ANKRD12: variants seen among roughly 807,000 people sequenced by gnomAD.
ANKRD12 encodes ankyrin repeat domain 12.
ANKRD12 carries 85 observed loss-of-function variants against 183.4 expected under a neutral mutation model. That is an observed-to-expected ratio of 0.46 (90% confidence interval 0.39 to 0.56). The LOEUF is 0.56. Ranked by LOEUF, ANKRD12 falls within the 20% of genes least tolerant of loss-of-function variation. ANKRD12 has a pLI of 0.00. For missense variants in ANKRD12, 2,405 were observed against 2,357.1 expected (o/e 1.02, Z -0.42); for synonymous variants, 914 against 800.2 (o/e 1.14, Z -2.40).
At chr18:9,214,458 A>C (rs1414081423) in intron 6 of ANKRD12, among the ~76,000 whole-genome samples, 1 of 152,098 alleles carries the variant, frequency 6.6e-6, no homozygotes, top group Non-Finnish European at 1.5e-5. Flanking sequence ...ATCTGCTTAA[A>C]ACACCATGTG....
At chr18:9,145,281 C>T (rs1382905720) in intron 1 of ANKRD12, among the ~76,000 whole-genome samples, 5 of 152,142 alleles carry the variant, frequency 3.3e-5, no homozygotes. Flanking sequence ...TGCCACCATG[C>T]CAGACTCTGG....
intron 8 of ANKRD12, among the ~76,000 whole-genome samples, chr18:9,250,798 C>T (rs750418221): frequency 6.6e-6 from 1 of 152,122 alleles, no homozygotes; most frequent in Non-Finnish European, 1.5e-5. Flanking sequence ...TTTGAAATGG[C>T]TCTGAGATTT....
At chr18:9,247,283 AACCTGGGCAACAGCCAACCTCATCTCT>A (rs1351709143) in intron 8 of ANKRD12, among the ~76,000 whole-genome samples, 2 of 151,770 alleles carry the variant, frequency 1.3e-5, no homozygotes, top group East Asian at 3.9e-4. Flanking sequence ...GTTTGAGACT[AACCTGGGCAACAGCCAACCTCATCTCT>A]ACCAAAAAAA....
chr18:9,166,821 G>T (rs2032121808), intron 1 of ANKRD12, among the ~76,000 whole-genome samples: 1 of 152,160 alleles, frequency 6.6e-6, no homozygotes, highest in East Asian at 1.9e-4. Context: ...GTATTGCCTA[G>T]CTTTTCTTCT....
At chr18:9,230,001 C>T (rs2036949221) in intron 8 of ANKRD12, among the ~76,000 whole-genome samples, 1 of 151,980 alleles carries the variant, frequency 6.6e-6, no homozygotes, top group Non-Finnish European at 1.5e-5. Flanking sequence ...TAGGGAGAAT[C>T]CCCTCCTCTT....
chr18:9,265,713 C>T (rs1463926947), intron 10 of ANKRD12, among the ~76,000 whole-genome samples: 1 of 152,076 alleles, frequency 6.6e-6, no homozygotes, highest in Non-Finnish European at 1.5e-5. Flanking sequence ...AATCAGAGCG[C>T]CTCTCCTCCT....
chr18:9,224,404 GC>G (rs2144781423), intron 8 of ANKRD12, among the ~76,000 whole-genome samples: 1 of 152,102 alleles, frequency 6.6e-6, no homozygotes, highest in African/African-American at 2.4e-5. Flanking sequence ...AGAAACAGCT[GC>G]GGCTTTTTTT....
At chr18:9,251,420 G>A (rs764713281) in intron 8 of ANKRD12, among the ~76,000 whole-genome samples, 4 of 152,158 alleles carry the variant, frequency 2.6e-5, no homozygotes, top group South Asian at 2.1e-4. Flanking sequence ...ATCTGAAGTC[G>A]CCTTGAGATG....
Position 9,258,046 on chromosome 18 carries a change from A to G in ANKRD12, c.4779A>G (p.Gly1593=). The change falls in exon 9 of 13, where the codon GGA becomes GGG. Residue 1593 remains glycine (G), a synonymous_variant. Coordinates refer to ENST00000262126, the MANE Select transcript of ANKRD12 (RefSeq NM_015208.5). ...PVLPSEKDFN[G]SDASTQLNTH... Reference sequence around the variant, plus strand: ...TACCATCAGAAAAGGACTTTAATGGAAGTGATGCCTCTACCCAGCTAAATA... The same window carrying G: ...TACCATCAGAAAAGGACTTTAATGGGAGTGATGCCTCTACCCAGCTAAATA... 1.3e-5 allele frequency: 21 copies of G among 1,613,524 alleles called. No individual in the cohort carries two copies. Among genetic ancestry groups the G allele is most frequent in the Non-Finnish European group, 1.7e-5 (20 of 1,179,958 alleles).
chr18:9,163,448 C>A (rs965470963), intron 1 of ANKRD12, among the ~76,000 whole-genome samples: 33 of 151,238 alleles, frequency 2.2e-4, no homozygotes, highest in African/African-American at 8.0e-4. Context: ...TGCTGTAGCC[C>A]TGTAGTCTGG....
At chr18:9,263,354 C>T (rs2039093872) in intron 9 of ANKRD12, among the ~76,000 whole-genome samples, 1 of 152,088 alleles carries the variant, frequency 6.6e-6, no homozygotes, top group African/African-American at 2.4e-5. Context: ...ATGTAACACT[C>T]AGGACTTTAG....
intron 7 of ANKRD12, among the ~76,000 whole-genome samples, chr18:9,217,303 C>G (rs528927756): frequency 6.6e-6 from 1 of 152,272 alleles, no homozygotes; most frequent in Admixed American, 6.5e-5. Flanking sequence ...GCAGTTCTGG[C>G]CTGGCCAGTT....
At chr18:9,246,197 G>A (rs2037953968) in intron 8 of ANKRD12, among the ~76,000 whole-genome samples, 1 of 152,130 alleles carries the variant, frequency 6.6e-6, no homozygotes, top group African/African-American at 2.4e-5. Context: ...TCAAATTGTA[G>A]TTAGCAAATG....
intron 10 of ANKRD12, among the ~76,000 whole-genome samples, chr18:9,270,954 A>G (rs772845345): frequency 6.6e-6 from 1 of 152,224 alleles, no homozygotes; most frequent in Non-Finnish European, 1.5e-5. Flanking sequence ...ACTAGCTGCA[A>G]AATTGCTTGA....
At chr18:9,183,795 A>G (rs975064956) in intron 2 of ANKRD12, among the ~76,000 whole-genome samples, 1 of 152,086 alleles carries the variant, frequency 6.6e-6, no homozygotes, top group Admixed American at 6.5e-5. Context: ...CTTACATTTA[A>G]TGTAATTATT....
intron 8 of ANKRD12, among the ~76,000 whole-genome samples, chr18:9,246,481 C>A (rs748662189): frequency 2.0e-4 from 31 of 152,228 alleles, no homozygotes; most frequent in Non-Finnish European, 3.7e-4. Context: ...TATATATTTC[C>A]ATTATTTATT....
chr18:9,261,996 A>T (rs1598738807), intron 9 of ANKRD12, among the ~76,000 whole-genome samples: 1 of 152,246 alleles, frequency 6.6e-6, no homozygotes, highest in African/African-American at 2.4e-5. Context: ...AGGACGCAGA[A>T]ATTAAACAAA....
chr18:9,197,969 T>A (rs758662559), intron 3 of ANKRD12, among the ~76,000 whole-genome samples: 1 of 152,188 alleles, frequency 6.6e-6, no homozygotes, highest in South Asian at 2.1e-4. Flanking sequence ...GTGAAAACAT[T>A]AAGGAGGATT....
At chr18:9,212,763 A>T (rs1365006380) in intron 6 of ANKRD12, among the ~76,000 whole-genome samples, 1 of 151,924 alleles carries the variant, frequency 6.6e-6, no homozygotes, top group Non-Finnish European at 1.5e-5. Context: ...ATCTTCAGTA[A>T]AACTGGATAT....
Sources: gnomAD v4.1 joint callset for allele counts (sites outside exome capture counted in the v4.1 genomes callset) on GRCh38, gnomAD v4.1.1 for gene constraint, MANE v1.5 for transcripts, NCBI Gene and HGNC (gene_info 2026-07-23, HGNC 2026-07-21) for gene names.